The following DMD variants were observed in gnomAD, a reference collection of about 807,000 sequenced individuals.
The protein encoded by DMD is dystrophin.
Under a neutral mutation model 330.1 loss-of-function variants are expected in DMD, and 63 were observed. The ratio of observed to expected loss-of-function variants is 0.19; its 90% confidence interval spans 0.16 to 0.24. The LOEUF (loss-of-function observed/expected upper bound fraction) is 0.24. Ranked by LOEUF, DMD falls within the 10% of genes least tolerant of loss-of-function variation. DMD has a pLI of 1.00. For missense variants in DMD, 3,344 were observed against 2,684.1 expected, an observed-to-expected ratio of 1.25 and a Z score of -5.43; for synonymous variants, 1,223 against 959.8, an observed-to-expected ratio of 1.27 and a Z score of -5.07.
chrX:31,204,001 C>G lies in DMD; in HGVS notation c.9767G>C (p.Gly3256Ala). ...CCGGACACTTGGCTCAATGTTACTG[C>G]CCCCAAAGGATGCAACTTCACCCAA... ...RQLGEVASFG[G>A]SNIEPSVRSC... The change falls in exon 67 of 79, where the codon GGC (glycine) becomes GCC (alanine). Residue 3256 changes from glycine (G) to alanine (A), a missense_variant. Gly to Ala is a moderately conservative substitution (Grantham distance 60). Coordinates refer to ENST00000357033, the MANE Select transcript of DMD (RefSeq NM_004006.3). The G allele has an allele frequency of 8.3e-7, 1 of 1,210,391 alleles. No individual in the cohort carries two copies. The highest frequency in any genetic ancestry group is 1.1e-6 in the Non-Finnish European group (1 of 894,043).
At position 32,900,384 on chromosome X, in the gene DMD, C is replaced by G. The variant is rs773931452; in HGVS notation, c.94-50564G>C. On this transcript the variant is annotated intron_variant, in intron 2 of 78. Coordinates refer to ENST00000357033, the MANE Select transcript of DMD (RefSeq NM_004006.3). ...AGAGAAGGGCCCTCACTCTGTTTCC[C>G]AGGCTGAAGTTTAGTGGCACTATCA... Among the ~76,000 whole-genome samples, 320 of 111,570 alleles carry G rather than the reference C, an allele frequency of 2.9e-3. 1 individual carries two copies. Among genetic ancestry groups the G allele is most frequent in the Middle Eastern group, 9.3e-3 (2 of 216 alleles).
intron 13 of DMD, among the ~76,000 whole-genome samples, chrX:32,577,005 C>T (rs1388271487): frequency 9.0e-6 from 1 of 111,413 alleles, no homozygotes; most frequent in Non-Finnish European, 1.9e-5. Context: ...TCAATTGTGT[C>T]CCATGAAATC....
chrX:31,483,311 G>C (rs1393510037), intron 57 of DMD, among the ~76,000 whole-genome samples: 1 of 111,458 alleles, frequency 9.0e-6, no homozygotes, highest in Non-Finnish European at 1.9e-5. Flanking sequence ...CTCCCAAAGT[G>C]CTGGGATTAC....
intron 2 of DMD, among the ~76,000 whole-genome samples, chrX:32,918,493 G>A (rs2088065757): frequency 9.0e-6 from 1 of 110,667 alleles, no homozygotes; most frequent in Non-Finnish European, 1.9e-5. Context: ...TGGAATTACA[G>A]GTGCCCACCA....
At chrX:32,857,214 A>G (rs1243663724) in intron 2 of DMD, among the ~76,000 whole-genome samples, 1 of 112,487 alleles carries the variant, frequency 8.9e-6, no homozygotes, top group Admixed American at 9.4e-5. Flanking sequence ...CCCTAAATAT[A>G]CTATGTATCC....
chrX:32,928,950 A>G (rs758948926), intron 2 of DMD, among the ~76,000 whole-genome samples: 14 of 112,230 alleles, frequency 1.2e-4, no homozygotes, highest in African/African-American at 4.5e-4. Context: ...ACATTTACCC[A>G]TAACGTAAAG....
At chrX:32,330,830 T>C (rs1260246548) in intron 41 of DMD, among the ~76,000 whole-genome samples, 1 of 111,490 alleles carries the variant, frequency 9.0e-6, no homozygotes, top group Admixed American at 9.6e-5. Flanking sequence ...ATTTCTAGAC[T>C]CACACTAAGT....
At chrX:33,191,809 G>A (rs2148796285) in intron 1 of DMD, among the ~76,000 whole-genome samples, 1 of 111,915 alleles carries the variant, frequency 8.9e-6, no homozygotes, top group African/African-American at 3.2e-5. Context: ...ATGTTGCTCA[G>A]AGCCAGCCAT....
intron 48 of DMD, among the ~76,000 whole-genome samples, chrX:31,855,192 T>C (rs2093594746): frequency 1.1e-5 from 1 of 87,505 alleles, no homozygotes; most frequent in Non-Finnish European, 2.3e-5. Context: ...TTCATTTGAG[T>C]GTGGTTCTGA....
In DMD at chrX:33,211,499, AG is replaced by A. The variant is rs886042325; in HGVS notation, c.-188del. ...ATTGCCTCCCAGATCTGAGTCCTGTAGGGGGAAAGTGAGTGATCCCAACACT... is the reference window on the plus strand; with the variant it reads ...ATTGCCTCCCAGATCTGAGTCCTGTAGGGGAAAGTGAGTGATCCCAACACT... On this transcript the variant is annotated 5_prime_UTR_variant, in exon 1 of 79. Coordinates refer to ENST00000357033, the MANE Select transcript of DMD (RefSeq NM_004006.3). The A allele has an allele frequency of 2.8e-5, 31 of 1,096,853 alleles. No homozygotes were observed. The highest frequency in any genetic ancestry group is 3.7e-4 in the Middle Eastern group (1 of 2,736). 90.4% of individuals were successfully genotyped at this position (1,096,853 alleles called of 1,213,427 possible).
chrX:32,081,453 C>A (rs2096390710), intron 44 of DMD, among the ~76,000 whole-genome samples: 1 of 112,425 alleles, frequency 8.9e-6, no homozygotes, highest in Non-Finnish European at 1.9e-5. Context: ...ATTGGGCCTG[C>A]ATTACAGCTC....
At chrX:32,189,370 C>CAA (rs201007036) in intron 44 of DMD, among the ~76,000 whole-genome samples, 2,647 of 81,963 alleles carry the variant, frequency 0.032, 94 homozygotes, top group African/African-American at 0.091. Flanking sequence ...CAGCAAACTA[C>CAA]AAAAAAAAAA....
At chrX:33,298,162 G>A (rs2053610461) in intron 1 of DMD, among the ~76,000 whole-genome samples, 2 of 111,136 alleles carry the variant, frequency 1.8e-5, no homozygotes, top group Non-Finnish European at 3.8e-5. Context: ...TTAGCCACAA[G>A]CATGTGATGA....
intron 47 of DMD, among the ~76,000 whole-genome samples, chrX:31,886,274 TA>T (rs2094153139): frequency 9.0e-6 from 1 of 111,326 alleles, no homozygotes; most frequent in East Asian, 2.8e-4. Context: ...AATTGAACTA[TA>T]AAAGTAATGA....
At position 32,411,924 on chromosome X, in the gene DMD, G is replaced by A. The variant is rs748683533; in HGVS notation, c.4072-11C>T. 3 of 1,208,963 alleles carry A rather than the reference G, an allele frequency of 2.5e-6. No individual in the cohort carries two copies. Among genetic ancestry groups the A allele is most frequent in the South Asian group, 3.5e-5 (2 of 56,842 alleles). Reference sequence around the variant, plus strand: ...TTGCCTCCTTACAGCCTAAAAAGAAGGAATAAGAGTGTATCAGTTAAATGT... The same window carrying A: ...TTGCCTCCTTACAGCCTAAAAAGAAAGAATAAGAGTGTATCAGTTAAATGT... On this transcript the variant is annotated splice_polypyrimidine_tract_variant and intron_variant, in intron 29 of 78. Coordinates refer to ENST00000357033, the MANE Select transcript of DMD (RefSeq NM_004006.3).
At chrX:33,122,543 A>G (rs1300069196) in intron 1 of DMD, among the ~76,000 whole-genome samples, 3 of 112,199 alleles carry the variant, frequency 2.7e-5, no homozygotes, top group African/African-American at 9.7e-5. Flanking sequence ...TAATTGAGTG[A>G]TAACTTCAGC....
chrX:33,211,118 T>A (rs754636922), intron 1 of DMD, among the ~76,000 whole-genome samples, 164 bp downstream of exon 1: 1 of 111,704 alleles, frequency 9.0e-6, no homozygotes, highest in Non-Finnish European at 1.9e-5. Flanking sequence ...CAATGAAAAA[T>A]ATATATTCCT....
chrX:32,578,060 C>G (rs1284072436), intron 13 of DMD, among the ~76,000 whole-genome samples: 1 of 112,181 alleles, frequency 8.9e-6, no homozygotes. Flanking sequence ...TGGAATCACT[C>G]AAAGATGCTG....
At chrX:31,209,327 C>G (rs1361680664) in intron 65 of DMD, among the ~76,000 whole-genome samples, 171 bp downstream of exon 65, 1 of 111,730 alleles carries the variant, frequency 9.0e-6, no homozygotes, top group African/African-American at 3.2e-5. Context: ...GCTCTTAACT[C>G]CTAGCTTATC....
Sources: allele counts gnomAD v4.1 joint callset (sites outside exome capture counted in the v4.1 genomes callset), GRCh38; gene constraint gnomAD v4.1.1; transcripts MANE v1.5; gene names NCBI Gene and HGNC (gene_info 2026-07-23, HGNC 2026-07-21).